Variants in PLD1 observed in about 807,000 individuals in gnomAD.
The protein encoded by PLD1 is phospholipase D1, also known as choline phosphatase 1.
PLD1 carries 112 observed loss-of-function variants against 137.1 expected under a neutral mutation model. The ratio of observed to expected loss-of-function variants is 0.82; its 90% CI spans 0.70 to 0.96. The LOEUF is 0.96. Among genes scored for constraint, PLD1 ranks in the 40% least tolerant of loss-of-function variants. The pLI, the probability that PLD1 is intolerant of heterozygous loss-of-function variation, is 0.00. For synonymous variants in PLD1, 431 were observed against 454.7 expected (o/e 0.95, Z 0.66); for missense variants, 1,321 against 1,342.0 (o/e 0.98, Z 0.24).
intron 19 of PLD1, among the ~76,000 whole-genome samples, chr3:171,673,929 T>C (rs565679989): frequency 3.3e-5 from 5 of 150,832 alleles, no homozygotes; most frequent in African/African-American, 1.2e-4. Flanking sequence ...TGGACCAGAC[T>C]AGGATTTCAA....
rs377454120 is a variant in PLD1 at position 171,746,885 on chromosome 3, G to A, written c.-31-8803C>T. Reference sequence around the variant, plus strand: ...CAGCTGGGGCCCCCTTCAATACGGTGGAAGGTTTGTTCTTTTGCTCTTTGC... The same window carrying A: ...CAGCTGGGGCCCCCTTCAATACGGTAGAAGGTTTGTTCTTTTGCTCTTTGC... On this transcript the variant is annotated intron_variant, in intron 1 of 26. Transcript: ENST00000351298. Among the ~76,000 whole-genome samples, 78 of 152,322 alleles carry A rather than the reference G, an allele frequency of 5.1e-4. No individual in the cohort carries two copies. The South Asian group carries it at 5.8e-3, about 11-fold the overall frequency.
At chr3:171,682,108 A>AAAAGAAAG (rs61458676) in intron 16 of PLD1, among the ~76,000 whole-genome samples, 9,332 of 98,920 alleles carry the variant, frequency 0.094, 637 homozygotes, top group East Asian at 0.13. Context: ...TACAGAAAGA[A>AAAAGAAAG]AAAGAAAGAA....
chr3:171,780,539 G>A (rs1368156289), intron 1 of PLD1, among the ~76,000 whole-genome samples: 1 of 64,220 alleles, frequency 1.6e-5, no homozygotes, highest in African/African-American at 3.3e-5. Flanking sequence ...AGTAAAGGGG[G>A]CCAAAAAAAA....
Position 171,807,569 on chromosome 3 carries a change from GA to G in PLD1, c.-32+2829del, listed in dbSNP as rs573500238. ...CCACAACAAAAGTGAAATTATAAGA[GA>G]AAAAAAATTTTTTAAAAAAACATCC... On this transcript the variant is annotated intron_variant, in intron 1 of 26. Transcript: ENST00000351298. 2.6e-3 allele frequency among the ~76,000 whole-genome samples: 398 copies of G among 152,062 alleles called. 1 individual carries two copies. The highest frequency in any genetic ancestry group is 0.01 in the Middle Eastern group (3 of 294).
At chr3:171,782,677 G>A (rs1232168911) in intron 1 of PLD1, among the ~76,000 whole-genome samples, 1 of 152,166 alleles carries the variant, frequency 6.6e-6, no homozygotes, top group Non-Finnish European at 1.5e-5. Context: ...TTTACAAGAT[G>A]TTGTTAGAAG....
At position 171,668,479 on chromosome 3, in the gene PLD1, A is replaced by C. The variant is rs1323135912; in HGVS notation, c.2229+6021T>G. The stretch of plus-strand genomic sequence containing the variant: ...GGACATTTATTCCAAGCGTGAAAAC[A>C]ATTTTTTTTCAGTGGTATAATTTGG... On this transcript the variant is annotated intron_variant, in intron 19 of 26. Transcript: ENST00000351298. 2.0e-5 allele frequency among the ~76,000 whole-genome samples: 3 copies of C among 152,164 alleles called. No homozygotes were observed. In the East Asian group the frequency reaches 5.8e-4, roughly 29 times the overall value.
At chr3:171,741,278 A>G (rs2108271872) in intron 1 of PLD1, among the ~76,000 whole-genome samples, 1 of 152,322 alleles carries the variant, frequency 6.6e-6, no homozygotes, top group Non-Finnish European at 1.5e-5. Flanking sequence ...TAGACAATGA[A>G]AGAAGTGATT....
chr3:171,604,563 C>A (rs1375315657), intron 26 of PLD1, among the ~76,000 whole-genome samples: 1 of 152,028 alleles, frequency 6.6e-6, no homozygotes, highest in African/African-American at 2.4e-5. Context: ...GAATAGTTTT[C>A]CCTGATGGGC....
intron 24 of PLD1, among the ~76,000 whole-genome samples, chr3:171,614,445 T>C (rs1457533792): frequency 6.6e-6 from 1 of 152,222 alleles, no homozygotes; most frequent in Admixed American, 6.5e-5. Flanking sequence ...CTTGTAGGGA[T>C]ATTGTGGGAA....
chr3:171,802,616 T>C (rs916204366), intron 1 of PLD1, among the ~76,000 whole-genome samples: 7 of 152,044 alleles, frequency 4.6e-5, no homozygotes, highest in African/African-American at 1.7e-4. Context: ...TTCAGAAAGG[T>C]GAGAAACAAG....
rs189004500 is a variant in PLD1 at position 171,719,413 on chromosome 3, T to G, written c.758+5283A>C. Among the ~76,000 whole-genome samples the G allele has an allele frequency of 3.4e-3, 515 of 152,350 alleles. 6 individuals are homozygous for G. The highest frequency in any genetic ancestry group is 2.5e-3 in the Non-Finnish European group (172 of 68,026). On this transcript the variant is annotated intron_variant, in intron 8 of 26. Coordinates refer to ENST00000351298, the MANE Select transcript of PLD1 (RefSeq NM_002662.5). ...GTCATGTCTACTACTATCTGTTCAA[T>G]GCCTAGAACTATCTTCTAGCAGCCC...
At chr3:171,785,639 A>G (rs2108345978) in intron 1 of PLD1, among the ~76,000 whole-genome samples, 1 of 152,268 alleles carries the variant, frequency 6.6e-6, no homozygotes, top group South Asian at 2.1e-4. Flanking sequence ...GGGTTTCACC[A>G]TGTTGTTCAA....
chr3:171,627,593 T>C (rs1230439076), intron 23 of PLD1, among the ~76,000 whole-genome samples: 1 of 152,102 alleles, frequency 6.6e-6, no homozygotes, highest in Non-Finnish European at 1.5e-5. Context: ...ATTCCAAAAT[T>C]GACCACATAG....
At chr3:171,730,723 C>G (rs1035349750) in intron 6 of PLD1, among the ~76,000 whole-genome samples, 1 of 148,470 alleles carries the variant, frequency 6.7e-6, no homozygotes, top group Non-Finnish European at 1.5e-5. Flanking sequence ...GCTGCAACCT[C>G]CGCCTCCCGG....
chr3:171,686,626 C>G, intron 16 of PLD1, 59 bp downstream of exon 16: 1 of 861,512 alleles, frequency 1.2e-6, no homozygotes, highest in Non-Finnish European at 1.9e-6. Context: ...GCCCATGCAG[C>G]AGACAACACA....
intron 16 of PLD1, among the ~76,000 whole-genome samples, chr3:171,682,669 T>C (rs1714131269): frequency 6.6e-6 from 1 of 152,220 alleles, no homozygotes; most frequent in Admixed American, 6.5e-5. Flanking sequence ...AGTAGAACTT[T>C]TCTTTTTTGA....
At chr3:171,688,630 A>T in intron 14 of PLD1, 46 bp downstream of exon 14, 1 of 1,390,348 alleles carries the variant, frequency 7.2e-7, no homozygotes, top group Non-Finnish European at 1.0e-6. Context: ...AACTTATACA[A>T]ATTATGTTCG....
Position 171,760,113 on chromosome 3 carries a change from G to A in PLD1, c.-31-22031C>T, listed in dbSNP as rs893715707. Among the ~76,000 whole-genome samples the A allele has an allele frequency of 4.6e-5, 7 of 151,392 alleles. No individual in the cohort carries two copies. The East Asian group carries it at 1.2e-3, about 25-fold the overall frequency. On this transcript the variant is annotated intron_variant, in intron 1 of 26. Transcript: ENST00000351298. ...ATATTTGACTTTTTTATTTATTCCC[G>A]TTTTAAAAATAAATTACATTTATTT...
At chr3:171,718,662 T>TC (rs1451772767) in intron 8 of PLD1, among the ~76,000 whole-genome samples, 2 of 152,180 alleles carry the variant, frequency 1.3e-5, no homozygotes, top group African/African-American at 4.8e-5. Context: ...TGCACAGGGA[T>TC]CAAGTGCCTG....
Sources: gnomAD v4.1 joint callset for allele counts (sites outside exome capture counted in the v4.1 genomes callset) on GRCh38, gnomAD v4.1.1 for gene constraint, MANE v1.5 for transcripts, NCBI Gene and HGNC (gene_info 2026-07-23, HGNC 2026-07-21) for gene names.